Variants in FHOD3 observed in about 807,000 individuals in gnomAD.
FHOD3 encodes FH1/FH2 domain-containing protein 3.
FHOD3 carries 90 observed loss-of-function variants against 173.0 expected under a neutral mutation model. The observed-to-expected ratio is 0.52, with a 90% CI of 0.44 to 0.62. The LOEUF (loss-of-function observed/expected upper bound fraction) is 0.62. Among genes scored for constraint, FHOD3 ranks in the 20% least tolerant of loss-of-function variants. The pLI is 0.00. For synonymous variants in FHOD3, 828 were observed against 823.0 expected (o/e 1.01, Z -0.10); for missense variants, 1,945 against 2,034.7 (o/e 0.96, Z 0.85).
chr18:36,301,092 G>T (rs140797943), intron 1 of FHOD3, among the ~76,000 whole-genome samples: 2 of 152,242 alleles, frequency 1.3e-5, no homozygotes, highest in Non-Finnish European at 2.9e-5. Flanking sequence ...AGTGTACAGG[G>T]TATAAGTGTG....
At chr18:36,535,082 G>A (rs1395337643) in intron 5 of FHOD3, among the ~76,000 whole-genome samples, 2 of 152,160 alleles carry the variant, frequency 1.3e-5, no homozygotes, top group East Asian at 3.8e-4. Context: ...CACATTTTCA[G>A]ATTTAAAAAT....
intron 3 of FHOD3, among the ~76,000 whole-genome samples, chr18:36,395,767 T>G (rs2048527874): frequency 6.6e-6 from 1 of 152,208 alleles, no homozygotes; most frequent in Admixed American, 6.5e-5. Context: ...AGAAAATAGT[T>G]ATTTTTTCTA....
intron 3 of FHOD3, among the ~76,000 whole-genome samples, chr18:36,479,565 C>T (rs1050800377): frequency 6.6e-6 from 1 of 150,938 alleles, no homozygotes; most frequent in African/African-American, 2.4e-5. Context: ...CATTCAGTTG[C>T]TCAGGGCCAT....
chr18:36,315,234 T>C (rs1435889914), intron 1 of FHOD3, among the ~76,000 whole-genome samples: 1 of 152,204 alleles, frequency 6.6e-6, no homozygotes, highest in Non-Finnish European at 1.5e-5. Context: ...GGACTGTGCT[T>C]TTGCAGGAAA....
At chr18:36,666,962 T>C (rs538498260) in intron 14 of FHOD3, among the ~76,000 whole-genome samples, 36 of 152,232 alleles carry the variant, frequency 2.4e-4, no homozygotes, top group Non-Finnish European at 5.1e-4. Flanking sequence ...TTCTTCATTG[T>C]AGATTCATTT....
At chr18:36,390,083 G>A (rs947586570) in intron 3 of FHOD3, among the ~76,000 whole-genome samples, 3 of 152,168 alleles carry the variant, frequency 2.0e-5, no homozygotes, top group South Asian at 2.1e-4. Context: ...GTGGACCCAG[G>A]AAGCCCCACA....
intron 5 of FHOD3, among the ~76,000 whole-genome samples, chr18:36,527,715 A>G (rs2056591484): frequency 6.6e-6 from 1 of 152,116 alleles, no homozygotes. Flanking sequence ...GCACATGGCA[A>G]TGGAATTGAC....
chr18:36,680,895 T>C (rs913389394), intron 14 of FHOD3, among the ~76,000 whole-genome samples: 3 of 152,254 alleles, frequency 2.0e-5, no homozygotes, highest in Non-Finnish European at 4.4e-5. Flanking sequence ...AGTGCATGTA[T>C]AATAGAAAAT....
At chr18:36,751,202 G>A (rs1473150484) in intron 24 of FHOD3, among the ~76,000 whole-genome samples, 1 of 152,124 alleles carries the variant, frequency 6.6e-6, no homozygotes, top group Non-Finnish European at 1.5e-5. Context: ...CACCTCCCTG[G>A]TTAGCTGTAT....
chr18:36,325,129 G>A (rs1482564262), intron 1 of FHOD3, among the ~76,000 whole-genome samples: 2 of 152,042 alleles, frequency 1.3e-5, no homozygotes, highest in Admixed American at 6.6e-5. Context: ...AAACTAATTT[G>A]TAATTTTCTA....
chr18:36,663,154 T>C (rs1408308110), intron 14 of FHOD3, among the ~76,000 whole-genome samples: 1 of 152,248 alleles, frequency 6.6e-6, no homozygotes, highest in Non-Finnish European at 1.5e-5. Context: ...CTAGTACTTC[T>C]GTAGCTACAT....
chr18:36,602,193 G>A (rs2031481285), intron 7 of FHOD3, among the ~76,000 whole-genome samples: 1 of 152,188 alleles, frequency 6.6e-6, no homozygotes, highest in South Asian at 2.1e-4. Flanking sequence ...TGGAGTAGAT[G>A]TAATATACTT....
intron 17 of FHOD3, among the ~76,000 whole-genome samples, chr18:36,699,391 T>C (rs1208328266): frequency 4.6e-5 from 7 of 152,250 alleles, no homozygotes; most frequent in Non-Finnish European, 1.0e-4. Context: ...ACAGAGAATC[T>C]GGCTTGTTGG....
chr18:36,302,634 G>A (rs1232384370), intron 1 of FHOD3, among the ~76,000 whole-genome samples: 2 of 152,210 alleles, frequency 1.3e-5, no homozygotes, highest in Non-Finnish European at 2.9e-5. Context: ...GCACTAAGTT[G>A]ATTGATTGGT....
At chr18:36,442,895 A>T (rs2051236313) in intron 3 of FHOD3, among the ~76,000 whole-genome samples, 1 of 152,156 alleles carries the variant, frequency 6.6e-6, no homozygotes, top group African/African-American at 2.4e-5. Context: ...GGTTTGTGGC[A>T]GTTCCTCAGT....
intron 3 of FHOD3, among the ~76,000 whole-genome samples, chr18:36,442,472 A>G (rs1669706338): frequency 6.6e-6 from 1 of 152,222 alleles, no homozygotes; most frequent in East Asian, 1.9e-4. Context: ...CTCAGGATTG[A>G]CACACACATT....
intron 1 of FHOD3, among the ~76,000 whole-genome samples, chr18:36,332,588 G>C (rs1409874877): frequency 6.6e-6 from 1 of 152,232 alleles, no homozygotes; most frequent in African/African-American, 2.4e-5. Context: ...ACCCAATGCA[G>C]GTGTGAAACA....
rs767160018 is a variant in FHOD3 at position 36,408,699 on chromosome 18, AG to A, written c.337+35957del. On this transcript the variant is annotated intron_variant, in intron 3 of 28. Coordinates refer to ENST00000590592, the MANE Select transcript of FHOD3 (RefSeq NM_001281740.3). ...GCACAAGCACAGCCAAGGAGTTGGC[AG>A]GAAGGAGCCAGGGGTAGAAGCATTG... Among the ~76,000 whole-genome samples, 98 of 152,260 alleles carry A rather than the reference AG, an allele frequency of 6.4e-4. 1 individual carries two copies. The highest frequency in any genetic ancestry group is 1.0e-3 in the Non-Finnish European group (70 of 68,010).
At chr18:36,502,777 C>T (rs2055106288) in intron 4 of FHOD3, among the ~76,000 whole-genome samples, 1 of 152,128 alleles carries the variant, frequency 6.6e-6, no homozygotes, top group Non-Finnish European at 1.5e-5. Context: ...CAACCTCTTT[C>T]CACCCTACCC....
Sources: gnomAD v4.1 joint callset for allele counts (sites outside exome capture counted in the v4.1 genomes callset) on GRCh38, gnomAD v4.1.1 for gene constraint, MANE v1.5 for transcripts, NCBI Gene and HGNC (gene_info 2026-07-23, HGNC 2026-07-21) for gene names.